Variants in TOP6BL observed in about 807,000 individuals in gnomAD.
TOP6BL encodes TOP6B like initiator of meiotic double strand breaks.
the TOP6BL span, among the ~76,000 whole-genome samples, chr11:66,759,492 T>C: frequency 1.3e-5 from 2 of 152,244 alleles, no homozygotes; most frequent in Non-Finnish European, 2.9e-5. Flanking sequence ...ATGCTTTTAC[T>C]GTAAATGATT....
the TOP6BL span, among the ~76,000 whole-genome samples, chr11:66,806,274 G>A: frequency 1.3e-5 from 2 of 152,146 alleles, no homozygotes; most frequent in African/African-American, 2.4e-5. Context: ...TTAAAATGAG[G>A]ATGATACTTA....
At chr11:66,832,945 A>G in the TOP6BL span, among the ~76,000 whole-genome samples, 43 of 151,524 alleles carry the variant, frequency 2.8e-4, no homozygotes, top group Admixed American at 6.6e-4. Context: ...CTAGCTTCTG[A>G]TAAAAACTGT....
the TOP6BL span, chr11:66,842,719 A>G: frequency 1.1e-6 from 1 of 935,506 alleles, no homozygotes; most frequent in Non-Finnish European, 1.6e-6. Flanking sequence ...TTTGGTGTGG[A>G]TGGGACCTGC....
chr11:66,828,090 G>C, the TOP6BL span, among the ~76,000 whole-genome samples: 1 of 150,954 alleles, frequency 6.6e-6, no homozygotes, highest in East Asian at 1.9e-4. Flanking sequence ...CTTACACCAA[G>C]TATCTCAGGC....
At chr11:66,801,275 GT>G in the TOP6BL span, 1 of 626,914 alleles carries the variant, frequency 1.6e-6, no homozygotes, top group Admixed American at 2.9e-5. Flanking sequence ...GCTATTTTAA[GT>G]TATTTATGTA....
the TOP6BL span, among the ~76,000 whole-genome samples, chr11:66,818,744 G>C: frequency 1.3e-5 from 2 of 152,166 alleles, no homozygotes; most frequent in Non-Finnish European, 2.9e-5. Context: ...CCTTCTGGCA[G>C]GCTTTTTTTA....
chr11:66,781,102 G>T, the TOP6BL span, among the ~76,000 whole-genome samples: 12 of 152,148 alleles, frequency 7.9e-5, no homozygotes, highest in African/African-American at 2.9e-4. Flanking sequence ...AAATTTTAGG[G>T]AATTTTGTTC....
the TOP6BL span, among the ~76,000 whole-genome samples, chr11:66,774,707 G>A: frequency 6.6e-6 from 1 of 151,916 alleles, no homozygotes; most frequent in Non-Finnish European, 1.5e-5. Context: ...TCCTGACCTC[G>A]TGATCCGCCC....
At chr11:66,836,801 A>G in the TOP6BL span, among the ~76,000 whole-genome samples, 1 of 148,708 alleles carries the variant, frequency 6.7e-6, no homozygotes, top group South Asian at 2.2e-4. Context: ...CCCGGGTTCA[A>G]GTGATTCTCC....
chr11:66,772,074 A>G, the TOP6BL span, among the ~76,000 whole-genome samples: 13 of 152,338 alleles, frequency 8.5e-5, no homozygotes, highest in African/African-American at 2.4e-4. Context: ...CAAAACATCA[A>G]CGTTAACAGG....
the TOP6BL span, among the ~76,000 whole-genome samples, chr11:66,791,675 G>A: frequency 5.9e-5 from 9 of 152,042 alleles, no homozygotes; most frequent in Non-Finnish European, 8.8e-5. Context: ...TGCTGTGCAC[G>A]GCTGGCAGCA....
At chr11:66,805,496 CTG>C in the TOP6BL span, among the ~76,000 whole-genome samples, 6 of 151,100 alleles carry the variant, frequency 4.0e-5, no homozygotes, top group Non-Finnish European at 8.8e-5. Flanking sequence ...AGGTCTGGCT[CTG>C]TTGCACAGGC....
the TOP6BL span, among the ~76,000 whole-genome samples, chr11:66,745,357 G>A: frequency 1.3e-5 from 2 of 151,726 alleles, no homozygotes; most frequent in African/African-American, 4.9e-5. Context: ...GAGGGACCCA[G>A]TGCAGACTGG....
At chr11:66,802,199 G>A in the TOP6BL span, among the ~76,000 whole-genome samples, 3 of 150,086 alleles carry the variant, frequency 2.0e-5, no homozygotes, top group East Asian at 2.0e-4. Context: ...TCGCTCTTTC[G>A]CCCAGGCTGG....
At chr11:66,801,121 G>A in the TOP6BL span, 3 of 1,605,200 alleles carry the variant, frequency 1.9e-6, no homozygotes, top group African/African-American at 2.7e-5. Context: ...GTAAAGCCTT[G>A]TTGTCCCTCT....
the TOP6BL span, chr11:66,796,170 C>T: frequency 1.3e-6 from 1 of 779,800 alleles, no homozygotes; most frequent in Non-Finnish European, 2.1e-6. Flanking sequence ...TTTGGTTGTC[C>T]AAAAAGCTTT....
chr11:66,761,555 G>C, the TOP6BL span: 3 of 1,066,456 alleles, frequency 2.8e-6, no homozygotes, highest in Non-Finnish European at 3.9e-6. Flanking sequence ...TAAAACTATG[G>C]CTTTCAGTGT....
At chr11:66,762,037 C>T in the TOP6BL span, 7 of 1,457,646 alleles carry the variant, frequency 4.8e-6, no homozygotes, top group East Asian at 2.3e-5. Context: ...ATTTTTTCCC[C>T]CCAGCAACTT....
At chr11:66,759,030 C>G in the TOP6BL span, 1 of 1,538,306 alleles carries the variant, frequency 6.5e-7, no homozygotes, top group Non-Finnish European at 8.8e-7. Flanking sequence ...TCTTTGTATT[C>G]TGTTTCTTAC....
Sources: gnomAD v4.1 joint callset for allele counts (sites outside exome capture counted in the v4.1 genomes callset) on GRCh38, gnomAD v4.1.1 for gene constraint, MANE v1.5 for transcripts, NCBI Gene and HGNC (gene_info 2026-07-23, HGNC 2026-07-21) for gene names.